Variants in PRSS22 observed in about 807,000 individuals in gnomAD.
PRSS22 encodes the protein serine protease 22.
PRSS22 carries 26 observed loss-of-function variants against 28.0 expected under a neutral mutation model. The ratio of observed to expected loss-of-function variants is 0.93; its 90% CI spans 0.68 to 1.29. The LOEUF is 1.29. PRSS22 is among the 50% of genes most tolerant of loss of function. The pLI is 0.00. For synonymous variants in PRSS22, 217 were observed against 177.9 expected, an observed-to-expected ratio of 1.22 and a Z score of -1.75; for missense variants, 444 against 422.1, an observed-to-expected ratio of 1.05 and a Z score of -0.46.
At position 2,855,825 on chromosome 16, in the gene PRSS22, G is replaced by C; in HGVS notation, c.308C>G (p.Ser103Cys). The C allele has an allele frequency of 6.2e-7, 1 of 1,613,282 alleles. No individual in the cohort carries two copies. Among genetic ancestry groups the C allele is most frequent in the Non-Finnish European group, 8.5e-7 (1 of 1,179,984 alleles). Residue 103 changes from serine (S) to cysteine (C), a missense_variant, in exon 4 of 6, where the codon TCT becomes TGT. By Grantham distance (112) the Ser-to-Cys change is moderately radical. Transcript: ENST00000161006. Reference protein sequence around the residue: ...KDNLNKPYLFSVLLGAWQLGN... With the variant: ...KDNLNKPYLFCVLLGAWQLGN... ...CAGCTGCCAGGCCCCCAGCAGCACA[G>C]AGAACAGGTATGGTTTGTTCAGGTT...
Position 2,853,450 on chromosome 16 carries a change from G to T in PRSS22, c.718-121C>A, listed in dbSNP as rs1048082599. 1.2e-6 allele frequency: 1 copy of T among 809,282 alleles called. No homozygotes were observed. Among genetic ancestry groups the T allele is most frequent in the Non-Finnish European group, 1.9e-6 (1 of 521,054 alleles). The allele number at this position is 809,282 out of a possible 1,614,324, so 50.1% of individuals were successfully genotyped here. On this transcript the variant is annotated intron_variant, in intron 5 of 5. Coordinates refer to ENST00000161006, the MANE Select transcript of PRSS22 (RefSeq NM_022119.4). The surrounding 1 kb of genome is among the most constrained non-coding windows in gnomAD (Gnocchi z 4.6). The stretch of plus-strand genomic sequence containing the variant: ...GGGAGCCCGTTTCTCCTTCCTGGAG[G>T]AGACAGGACCTGAGCTCCACCCAGG...
Position 2,853,004 on chromosome 16 carries a change from C to T in PRSS22, c.*89G>A. On this transcript the variant is annotated 3_prime_UTR_variant, in exon 6 of 6. Transcript: ENST00000161006. This position sits in a 1 kb window ranked among gnomAD's most constrained non-coding sequence, Gnocchi z 4.6. ...TAGAGGTAGATGAGCCTATTTACGG[C>T]GGGGGAAACCGCCCGAGGCCGCCGC... The T allele has an allele frequency of 8.0e-6, 7 of 874,858 alleles. No individual in the cohort carries two copies. Among genetic ancestry groups the T allele is most frequent in the Non-Finnish European group, 1.0e-5 (6 of 594,894 alleles). 54.2% of individuals were successfully genotyped at this position (874,858 alleles called of 1,614,324 possible).
chr16:2,855,738 T>A lies in PRSS22; in HGVS notation c.395A>T (p.Tyr132Phe). The A allele has an allele frequency of 6.2e-7, 1 of 1,614,124 alleles. No homozygotes were observed. Among genetic ancestry groups the A allele is most frequent in the Non-Finnish European group, 8.5e-7 (1 of 1,180,016 alleles). ...TGCACAGGCACCTTCCTTCCAGGAA[T>A]ACACAGGGTGGGGCTCCACCCAGGC... ...GVAWVEPHPV[Y>F]SWKEGACADI... Residue 132 changes from tyrosine (Y) to phenylalanine (F), a missense_variant, in exon 4 of 6, where the codon TAT becomes TTT. Coordinates refer to ENST00000161006, the MANE Select transcript of PRSS22 (RefSeq NM_022119.4).
At chr16:2,855,347 CAAAA>C (rs33950878) in intron 4 of PRSS22, among the ~76,000 whole-genome samples, 1 of 69,042 alleles carries the variant, frequency 1.4e-5, no homozygotes, top group African/African-American at 6.3e-5. Context: ...CACCCTGTCT[CAAAA>C]AAAAAAAAAA....
chr16:2,857,144 T>A, intron 1 of PRSS22: 1 of 407,012 alleles, frequency 2.5e-6, no homozygotes, highest in Non-Finnish European at 4.3e-6. Context: ...TGAGAAGGGG[T>A]CCAGTGCCCA....
rs544821311 is a variant in PRSS22 at position 2,856,717 on chromosome 16, C to T, written c.109+105G>A. On this transcript the variant is annotated intron_variant, in intron 2 of 5. Coordinates refer to ENST00000161006, the MANE Select transcript of PRSS22 (RefSeq NM_022119.4). ...CCCCTCTAGCTCTTTCCCCCTCTCA[C>T]CCCAGCCCCTTTCTGACCTGTGCCC... is the stretch of plus-strand genomic sequence containing the variant. The T allele has an allele frequency of 5.1e-6, 7 of 1,360,900 alleles. No homozygotes were observed. In the African/African-American group the frequency reaches 1.0e-4, roughly 20 times the overall value. 84.3% of individuals were successfully genotyped at this position (1,360,900 alleles called of 1,614,324 possible). A position where few individuals can be genotyped will look rare whatever the true frequency, so the allele number is the denominator to read the frequency against.
chr16:2,855,372 A>G (rs1226660823), intron 4 of PRSS22, among the ~76,000 whole-genome samples: 4 of 148,132 alleles, frequency 2.7e-5, no homozygotes, highest in Middle Eastern at 3.6e-3. Context: ...AAAAAAGAAG[A>G]AGAAGAAAGA....
chr16:2,857,980 G>A lies in PRSS22; in HGVS notation c.82+43C>T, dbSNP rs1022591573. ...GGAGGGAGGGAAGGAGGGAAGGAGG[G>A]TGGAGGTGAGAGGGAGGAGGGAGGA... On this transcript the variant is annotated intron_variant, in intron 1 of 5. Transcript: ENST00000161006. The A allele has an allele frequency of 1.8e-5, 22 of 1,246,400 alleles. No individual in the cohort carries two copies. In the African/African-American group the frequency reaches 2.2e-4, roughly 12 times the overall value. 77.2% of individuals were successfully genotyped at this position (1,246,400 alleles called of 1,614,324 possible).
At chr16:2,857,030 C>G in intron 1 of PRSS22, 182 bp from the exon 2 acceptor site, 1 of 681,088 alleles carries the variant, frequency 1.5e-6, no homozygotes, top group Non-Finnish European at 2.5e-6. Context: ...GAGGAGGGGT[C>G]CCAGCACCCC....
rs141267642 is a variant in PRSS22 at position 2,858,159 on chromosome 16, G to GT, written c.-56dup. 4.6e-4 allele frequency: 577 copies of GT among 1,245,938 alleles called. 7 individuals are homozygous for GT. In the East Asian group the frequency reaches 0.016, roughly 34 times the overall value. The allele number at this position is 1,245,938 out of a possible 1,614,324, so 77.2% of individuals were successfully genotyped here. ...GCTCGAGAGACCCAGGGCGATGCGG[G>GT]TCAGGGTGTGTAGGTTCCCTGCAGG... On this transcript the variant is annotated 5_prime_UTR_variant, in exon 1 of 6. Transcript: ENST00000161006.
Position 2,853,771 on chromosome 16 carries a change from A to T in PRSS22, c.717+94T>A. On this transcript the variant is annotated intron_variant, in intron 5 of 5. Coordinates refer to ENST00000161006, the MANE Select transcript of PRSS22 (RefSeq NM_022119.4). The surrounding 1 kb of genome is among the most constrained non-coding windows in gnomAD (Gnocchi z 4.6). ...CACAGCCAGTTCTGGGGAGGAGGCC[A>T]GGGAGAGGTTGTGGGGCTCAGTGGG... The T allele has an allele frequency of 7.1e-7, 1 of 1,417,600 alleles. No homozygotes were observed. The highest frequency in any genetic ancestry group is 9.6e-7 in the Non-Finnish European group (1 of 1,039,726). The allele number at this position is 1,417,600 out of a possible 1,614,324, so 87.8% of individuals were successfully genotyped here.
intron 4 of PRSS22, among the ~76,000 whole-genome samples, chr16:2,855,365 A>AAAAAAAAAAAAAAG (rs1555473080): frequency 1.4e-4 from 19 of 134,570 alleles, no homozygotes; most frequent in African/African-American, 3.2e-4. Flanking sequence ...AAAAAAAAAA[A>AAAAAAAAAAAAAAG]AAGAAGAAGA....
chr16:2,855,468 G>T, intron 4 of PRSS22, 106 bp downstream of exon 4: 3 of 1,280,502 alleles, frequency 2.3e-6, no homozygotes, highest in Non-Finnish European at 3.3e-6. Context: ...GTCATGCTGT[G>T]CCTCTGGCCT....
Position 2,853,924 on chromosome 16 carries a change from G to C in PRSS22, c.658C>G (p.Pro220Ala). The C allele has an allele frequency of 6.2e-7, 1 of 1,614,196 alleles. No individual in the cohort carries two copies. Among genetic ancestry groups the C allele is most frequent in the Non-Finnish European group, 8.5e-7 (1 of 1,180,042 alleles). ...HLYWRGAGQG[P>A]ITEDMLCAGY... ...GCACACAGCATGTCCTCAGTGATGG[G>C]TCCCTGTCCTGCTCCCCGCCAGTAC... The change falls in exon 5 of 6, where the codon CCC (proline) becomes GCC (alanine). Residue 220 changes from proline (P) to alanine (A), a missense_variant. Pro to Ala is a conservative substitution (Grantham distance 27). Transcript: ENST00000161006. The surrounding 1 kb of genome is among the most constrained non-coding windows in gnomAD (Gnocchi z 4.6).
In PRSS22 at chr16:2,853,152, G is replaced by A. The variant is rs2069421794; in HGVS notation, c.895C>T (p.Gln299Ter). ...VQGVQLRGRAQGGGALRAPSQ... is the reference protein window; with the variant it reads ...VQGVQLRGRA ...GGTGCCCTGAGGGCCCCACCCCCCTGAGCGCGCCCGCGGAGCTGCACCCCT... is the reference window on the plus strand; with the variant it reads ...GGTGCCCTGAGGGCCCCACCCCCCTAAGCGCGCCCGCGGAGCTGCACCCCT... The change falls in exon 6 of 6, where the codon CAG (glutamine) becomes TAG (stop). Residue 299 changes from glutamine (Q) to a stop codon, truncating the protein, a stop_gained. Transcript: ENST00000161006. LOFTEE classifies it low-confidence loss of function (END_TRUNC). This position sits in a 1 kb window ranked among gnomAD's most constrained non-coding sequence, Gnocchi z 4.6. 1 of 1,598,448 alleles carries A rather than the reference G, an allele frequency of 6.3e-7. No homozygotes were observed. The highest frequency in any genetic ancestry group is 2.2e-5 in the East Asian group (1 of 44,838).
rs542413846 is a variant in PRSS22, at chr16:2,856,306, G to A, written c.110-53C>T. On this transcript the variant is annotated intron_variant, in intron 2 of 5. Transcript: ENST00000161006. The stretch of plus-strand genomic sequence containing the variant: ...CTCCAACTTCCTACAACCCACCCCC[G>A]GAATCCCAATCCCTAGGCCTGCACC... 135 of 1,587,606 alleles carry A rather than the reference G, an allele frequency of 8.5e-5. 1 individual carries two copies. Among genetic ancestry groups the A allele is most frequent in the Admixed American group, 5.9e-4 (35 of 59,324 alleles).
At position 2,858,122 on chromosome 16, in the gene PRSS22, A is replaced by T. The variant is rs1596327251; in HGVS notation, c.-18T>A. On this transcript the variant is annotated 5_prime_UTR_variant, in exon 1 of 6. Coordinates refer to ENST00000161006, the MANE Select transcript of PRSS22 (RefSeq NM_022119.4). ...ACCACCATGGCTGGTGGGGCGGGGG[A>T]GCAGGCAGCAGGCTCGAGAGACCCA... 4 of 1,256,512 alleles carry T rather than the reference A, an allele frequency of 3.2e-6. No individual in the cohort carries two copies. The highest frequency in any genetic ancestry group is 3.1e-5 in the East Asian group (1 of 31,828). The allele number at this position is 1,256,512 out of a possible 1,614,324, so 77.8% of individuals were successfully genotyped here. A position where few individuals can be genotyped will look rare whatever the true frequency, so the allele number is the denominator to read the frequency against.
In PRSS22 at chr16:2,853,754, G is replaced by T. The variant is rs1000508984; in HGVS notation, c.717+111C>A. 3.8e-4 allele frequency: 478 copies of T among 1,268,074 alleles called. 2 individuals carry two copies. Among genetic ancestry groups the T allele is most frequent in the Admixed American group, 5.5e-4 (25 of 45,304 alleles). The allele number at this position is 1,268,074 out of a possible 1,614,324, so 78.6% of individuals were successfully genotyped here. On this transcript the variant is annotated intron_variant, in intron 5 of 5. Coordinates refer to ENST00000161006, the MANE Select transcript of PRSS22 (RefSeq NM_022119.4). The surrounding 1 kb of genome is among the most constrained non-coding windows in gnomAD (Gnocchi z 4.6). ...GACCCGGGACTGTCAGGCACAGCCA[G>T]TTCTGGGGAGGAGGCCAGGGAGAGG...
intron 4 of PRSS22, among the ~76,000 whole-genome samples, chr16:2,854,850 G>A (rs527811798): frequency 6.8e-4 from 103 of 152,240 alleles, no homozygotes; most frequent in South Asian, 1.2e-3. Flanking sequence ...TAAGGTGGCT[G>A]CATTTTCTCC....
Sources: allele counts gnomAD v4.1 joint callset (sites outside exome capture counted in the v4.1 genomes callset), GRCh38; gene constraint gnomAD v4.1.1; non-coding constraint Gnocchi (gnomAD v3.1); transcripts MANE v1.5; gene names NCBI Gene and HGNC (gene_info 2026-07-23, HGNC 2026-07-21).